The following CMTM6 variants were observed in gnomAD, a reference collection of about 807,000 sequenced individuals.
The protein encoded by CMTM6 is CKLF-like MARVEL transmembrane domain-containing protein 6.
A neutral mutation model predicts 13.6 loss-of-function variants in CMTM6; 5 were observed. The observed-to-expected ratio is 0.37, with a 90% CI of 0.19 to 0.77. The LOEUF is 0.77. Ranked by LOEUF, CMTM6 falls within the 30% of genes least tolerant of loss-of-function variation. The pLI, the probability that CMTM6 is intolerant of heterozygous loss-of-function variation, is 0.50. For missense variants in CMTM6, 196 were observed against 218.6 expected (o/e 0.90, Z 0.65); for synonymous variants, 99 against 84.5 (o/e 1.17, Z -0.94).
intron 3 of CMTM6, among the ~76,000 whole-genome samples, chr3:32,485,857 A>G (rs1049543377): frequency 2.0e-5 from 3 of 152,088 alleles, no homozygotes; most frequent in Admixed American, 1.3e-4. Context: ...TTAGCTGACA[A>G]CTCTATTAAT....
intron 3 of CMTM6, 143 bp from the exon 4 acceptor site, chr3:32,484,240 A>T (rs445837): frequency 0.48 from 274,556 of 575,966 alleles, 70,710 homozygotes; most frequent in African/African-American, 0.67. Flanking sequence ...GGTAAAAAAA[A>T]TTTTTTTAAG....
intron 2 of CMTM6, among the ~76,000 whole-genome samples, chr3:32,489,096 GTC>G (rs1042079516): frequency 1.3e-5 from 2 of 150,436 alleles, no homozygotes; most frequent in African/African-American, 4.9e-5. Flanking sequence ...GTGAAACCCT[GTC>G]TCTACTAAAA....
intron 1 of CMTM6, among the ~76,000 whole-genome samples, chr3:32,497,985 T>C (rs140375975): frequency 6.6e-6 from 1 of 152,086 alleles, no homozygotes; most frequent in Non-Finnish European, 1.5e-5. Context: ...GCTAAGAAAT[T>C]CATGGTAAAC....
At chr3:32,496,236 TC>T (rs957400119) in intron 1 of CMTM6, among the ~76,000 whole-genome samples, 31 of 148,202 alleles carry the variant, frequency 2.1e-4, no homozygotes, top group African/African-American at 7.7e-4. Flanking sequence ...ATTTACTAGC[TC>T]CCATCTCAAG....
intron 3 of CMTM6, among the ~76,000 whole-genome samples, chr3:32,486,384 A>C (rs1334441619): frequency 6.6e-6 from 1 of 151,038 alleles, no homozygotes; most frequent in African/African-American, 2.5e-5. Flanking sequence ...ATTGACACAA[A>C]GTAAGCCTAT....
rs1002594371 is a variant in CMTM6, at chr3:32,484,182, T to C, written c.415-85A>G. Reference sequence around the variant, plus strand: ...TACTTGGCTTGGAGAATGTTTCATATAAACAAGATGTTCATGAATTTTATC... The same window carrying C: ...TACTTGGCTTGGAGAATGTTTCATACAAACAAGATGTTCATGAATTTTATC... On this transcript the variant is annotated intron_variant, in intron 3 of 3. Transcript: ENST00000205636. 23 of 1,204,094 alleles carry C rather than the reference T, an allele frequency of 1.9e-5. No individual in the cohort carries two copies. In the Admixed American group the frequency reaches 5.9e-4, roughly 31 times the overall value. The allele number at this position is 1,204,094 out of a possible 1,614,324, so 74.6% of individuals were successfully genotyped here.
intron 3 of CMTM6, among the ~76,000 whole-genome samples, chr3:32,487,085 C>T (rs972149648): frequency 6.6e-6 from 1 of 152,120 alleles, no homozygotes; most frequent in Non-Finnish European, 1.5e-5. Context: ...CAGCAAGATT[C>T]AGGACAAGCA....
At chr3:32,491,385 T>C (rs1697248635) in intron 2 of CMTM6, among the ~76,000 whole-genome samples, 1 of 152,210 alleles carries the variant, frequency 6.6e-6, no homozygotes, top group African/African-American at 2.4e-5. Context: ...CAATTAATAA[T>C]TGTAGAACCA....
Position 32,493,355 on chromosome 3 carries a change from C to T in CMTM6, c.139-1469G>A, listed in dbSNP as rs538416661. On this transcript the variant is annotated intron_variant, in intron 1 of 3. Coordinates refer to ENST00000205636, the MANE Select transcript of CMTM6 (RefSeq NM_017801.3). ...ATTACACGCAAGTGGGTTTTAACTA[C>T]TTCCAACTGCTGTATATGTGGTACT... Among the ~76,000 whole-genome samples, 24 of 152,324 alleles carry T rather than the reference C, an allele frequency of 1.6e-4. No homozygotes were observed. In the East Asian group the frequency reaches 2.3e-3, roughly 15 times the overall value.
chr3:32,499,651 C>T lies in CMTM6; in HGVS notation c.138+2957G>A, dbSNP rs551132940. Among the ~76,000 whole-genome samples, 15 of 152,284 alleles carry T rather than the reference C, an allele frequency of 9.9e-5. 1 individual carries two copies. The South Asian group carries it at 3.1e-3, about 32-fold the overall frequency. On this transcript the variant is annotated intron_variant, in intron 1 of 3. Transcript: ENST00000205636. ...CATAAAGTTAGGACTCCAGTAACTC[C>T]TTACACTAAATTCTCAACTGAGTAT...
Position 32,502,563 on chromosome 3 carries a change from C to T in CMTM6, c.138+45G>A, listed in dbSNP as rs745791021. The T allele has an allele frequency of 7.7e-5, 121 of 1,561,666 alleles. 1 individual carries two copies. Among genetic ancestry groups the T allele is most frequent in the South Asian group, 5.6e-4 (48 of 85,600 alleles). ...GGCGGCCTCCCAAGCCCGGGCCAGA[C>T]CCCGCTCCCCAGCCCGGGCTCGCCC... On this transcript the variant is annotated intron_variant, in intron 1 of 3. Transcript: ENST00000205636.
At chr3:32,489,217 C>T (rs1472247398) in intron 2 of CMTM6, among the ~76,000 whole-genome samples, 2 of 147,074 alleles carry the variant, frequency 1.4e-5, no homozygotes, top group Non-Finnish European at 3.0e-5. Flanking sequence ...TTGCAGTGAG[C>T]CAAGGTCACA....
intron 2 of CMTM6, among the ~76,000 whole-genome samples, chr3:32,490,529 A>G (rs1231975884): frequency 6.6e-6 from 1 of 152,156 alleles, no homozygotes; most frequent in Non-Finnish European, 1.5e-5. Context: ...TACAAAAGCT[A>G]TTTTAGGATG....
intron 1 of CMTM6, among the ~76,000 whole-genome samples, chr3:32,499,850 A>G (rs534534081): frequency 2.6e-4 from 40 of 151,912 alleles, no homozygotes; most frequent in Admixed American, 5.2e-4. Context: ...TATCCCTTCA[A>G]TATTCAATTC....
intron 1 of CMTM6, among the ~76,000 whole-genome samples, chr3:32,494,767 C>CT (rs1302864228): frequency 6.6e-6 from 1 of 152,082 alleles, no homozygotes; most frequent in African/African-American, 2.4e-5. Context: ...CAAAAGGTTA[C>CT]ATATTGCATG....
At chr3:32,493,107 A>G (rs1443208493) in intron 1 of CMTM6, among the ~76,000 whole-genome samples, 1 of 152,250 alleles carries the variant, frequency 6.6e-6, no homozygotes, top group Non-Finnish European at 1.5e-5. Context: ...AATTCATTTT[A>G]ACACTCAGTT....
At position 32,495,198 on chromosome 3, in the gene CMTM6, G is replaced by T. The variant is rs184626610; in HGVS notation, c.139-3312C>A. On this transcript the variant is annotated intron_variant, in intron 1 of 3. Transcript: ENST00000205636. ...ATAAAAGAAAAAAAATAGTCTAATTGTAACATGAATGGTTACATTCTCTGA... is the reference window on the plus strand; with the variant it reads ...ATAAAAGAAAAAAAATAGTCTAATTTTAACATGAATGGTTACATTCTCTGA... 5.3e-5 allele frequency among the ~76,000 whole-genome samples: 8 copies of T among 152,104 alleles called. No homozygotes were observed. The East Asian group carries it at 1.5e-3, about 29-fold the overall frequency.
chr3:32,497,517 AT>A (rs746833948), intron 1 of CMTM6, among the ~76,000 whole-genome samples: 131 of 143,154 alleles, frequency 9.2e-4, no homozygotes, highest in Admixed American at 1.3e-3. Flanking sequence ...TTTTTAGTTG[AT>A]TTTTTTTTTT....
intron 1 of CMTM6, among the ~76,000 whole-genome samples, chr3:32,493,288 T>A (rs974233654): frequency 1.3e-5 from 2 of 152,190 alleles, no homozygotes; most frequent in Admixed American, 1.3e-4. Flanking sequence ...ATGCTTGGTA[T>A]GGTGAGTGGA....
Sources: gnomAD v4.1 joint callset for allele counts (sites outside exome capture counted in the v4.1 genomes callset) on GRCh38, gnomAD v4.1.1 for gene constraint, MANE v1.5 for transcripts, NCBI Gene and HGNC (gene_info 2026-07-23, HGNC 2026-07-21) for gene names.